The following SIPA1L2 variants were observed in gnomAD, a reference collection of about 807,000 sequenced individuals.
SIPA1L2 encodes the protein signal induced proliferation associated 1 like 2.
In SIPA1L2, 56 loss-of-function variants were observed where a neutral mutation model predicts 163.9. The ratio of observed to expected loss-of-function variants is 0.34; its 90% CI spans 0.28 to 0.43. SIPA1L2 has a LOEUF of 0.43. Ranked by LOEUF, SIPA1L2 falls within the 20% of genes least tolerant of loss-of-function variation. SIPA1L2 has a pLI of 1.00. For synonymous variants in SIPA1L2, 877 were observed against 865.7 expected, an observed-to-expected ratio of 1.01 and a Z score of -0.23; for missense variants, 1,974 against 2,193.5, an observed-to-expected ratio of 0.90 and a Z score of 2.00.
chr1:232,493,811 G>A, intron 3 of SIPA1L2, 151 bp from the exon 4 acceptor site: 1 of 1,031,068 alleles, frequency 9.7e-7, no homozygotes, highest in Admixed American at 2.8e-5. Context: ...CAAGTCTTCT[G>A]GTTTCCAGTT....
Position 232,402,412 on chromosome 1 carries a change from G to A in SIPA1L2, c.5002C>T (p.Leu1668Phe). 3 of 1,613,628 alleles carry A rather than the reference G, an allele frequency of 1.9e-6. No homozygotes were observed. Among genetic ancestry groups the A allele is most frequent in the Non-Finnish European group, 2.5e-6 (3 of 1,179,568 alleles). ...VNQLELILRQLQTDLRKEKQD... is the reference protein window; with the variant it reads ...VNQLELILRQFQTDLRKEKQD... Reference sequence around the variant, plus strand: ...ATTACCTTCCGAAGGTCGGTCTGGAGTTGTCGAAGAATTAATTCCAGCTGA... The same window carrying A: ...ATTACCTTCCGAAGGTCGGTCTGGAATTGTCGAAGAATTAATTCCAGCTGA... Residue 1668 changes from leucine to phenylalanine, a missense_variant, in exon 22 of 23, where the codon CTC (leucine) becomes TTC (phenylalanine). Physicochemically the swap from Leu to Phe is conservative, Grantham distance 22. Transcript: ENST00000674635.
intron 3 of SIPA1L2, among the ~76,000 whole-genome samples, chr1:232,509,957 C>T (rs545105766): frequency 6.6e-6 from 1 of 152,316 alleles, no homozygotes; most frequent in East Asian, 1.9e-4. Context: ...ACAGCACCTT[C>T]CACAGCACAG....
intron 3 of SIPA1L2, among the ~76,000 whole-genome samples, chr1:232,495,289 C>A (rs1481925818): frequency 6.6e-6 from 1 of 152,144 alleles, no homozygotes; most frequent in African/African-American, 2.4e-5. Flanking sequence ...GGGGGCCGGG[C>A]ACGGTGGCTC....
intron 8 of SIPA1L2, among the ~76,000 whole-genome samples, chr1:232,468,412 G>C (rs1483224665): frequency 1.3e-5 from 2 of 152,318 alleles, no homozygotes; most frequent in African/African-American, 2.4e-5. Flanking sequence ...CTGGAGTCAG[G>C]TAACTCCCGG....
intron 18 of SIPA1L2, among the ~76,000 whole-genome samples, chr1:232,417,160 G>A (rs1216701346): frequency 6.6e-6 from 1 of 152,176 alleles, no homozygotes; most frequent in Non-Finnish European, 1.5e-5. Context: ...TTGGGTAGCT[G>A]TGAAATGCTG....
intron 2 of SIPA1L2, among the ~76,000 whole-genome samples, chr1:232,572,752 T>C (rs745471522): frequency 0.49 from 55,234 of 113,184 alleles, 13,074 homozygotes; most frequent in African/African-American, 0.67. Context: ...TATATATATA[T>C]ATATATATAT....
At chr1:232,548,491 A>T (rs938597671) in intron 2 of SIPA1L2, among the ~76,000 whole-genome samples, 1 of 152,240 alleles carries the variant, frequency 6.6e-6, no homozygotes, top group African/African-American at 2.4e-5. Context: ...TGGAAGACAA[A>T]ATATTTGTTT....
Position 232,439,490 on chromosome 1 carries a change from C to G in SIPA1L2, c.3649G>C (p.Asp1217His). 1.2e-6 allele frequency: 2 copies of G among 1,610,526 alleles called. No individual in the cohort carries two copies. Among genetic ancestry groups the G allele is most frequent in the Non-Finnish European group, 1.7e-6 (2 of 1,177,438 alleles). Residue 1217 changes from aspartate (D) to histidine (H), a missense_variant, in exon 15 of 23, where the codon GAT (aspartate) becomes CAT (histidine). Asp to His is a moderately conservative substitution (Grantham distance 81). Coordinates refer to ENST00000674635, the MANE Select transcript of SIPA1L2 (RefSeq NM_020808.5). ...DSPNKLSHIGDKSCSSHSSSN... is the reference protein window; with the variant it reads ...DSPNKLSHIGHKSCSSHSSSN... ...CTGGAGTGACTGGAGCAACTTTTATCCCCAATCTTCAGAAGAAAGAGGAAC... is the reference window on the plus strand; with the variant it reads ...CTGGAGTGACTGGAGCAACTTTTATGCCCAATCTTCAGAAGAAAGAGGAAC...
chr1:232,433,136 C>T (rs1662349080), intron 15 of SIPA1L2, among the ~76,000 whole-genome samples: 1 of 152,134 alleles, frequency 6.6e-6, no homozygotes, highest in Non-Finnish European at 1.5e-5. Context: ...TAAGAACTCC[C>T]CAATGGCAGC....
chr1:232,537,228 C>T (rs1473759137), intron 2 of SIPA1L2, among the ~76,000 whole-genome samples: 2 of 151,948 alleles, frequency 1.3e-5, no homozygotes, highest in African/African-American at 4.8e-5. Flanking sequence ...CAACGTGAGA[C>T]CCTGTCTCAA....
At chr1:232,420,712 G>A (rs1661526302) in intron 18 of SIPA1L2, among the ~76,000 whole-genome samples, 1 of 152,148 alleles carries the variant, frequency 6.6e-6, no homozygotes, top group Non-Finnish European at 1.5e-5. Flanking sequence ...GTGGATGCCT[G>A]TAGTCCCAGC....
intron 8 of SIPA1L2, among the ~76,000 whole-genome samples, chr1:232,467,981 C>T (rs1572943675): frequency 6.6e-6 from 1 of 152,126 alleles, no homozygotes; most frequent in African/African-American, 2.4e-5. Context: ...ACAATGTATG[C>T]CATATTCTTG....
chr1:232,571,120 G>A (rs1357997947), intron 2 of SIPA1L2, among the ~76,000 whole-genome samples: 1 of 152,022 alleles, frequency 6.6e-6, no homozygotes, highest in Non-Finnish European at 1.5e-5. Flanking sequence ...CTAATATCCA[G>A]AATAGAGATT....
chr1:232,581,552 C>G (rs961272696), intron 1 of SIPA1L2, among the ~76,000 whole-genome samples: 66 of 152,292 alleles, frequency 4.3e-4, no homozygotes, highest in Middle Eastern at 3.4e-3. Context: ...GTTACTTGAG[C>G]TATGCCTTTC....
chr1:232,576,491 C>G (rs1660083641), intron 1 of SIPA1L2, among the ~76,000 whole-genome samples: 1 of 152,212 alleles, frequency 6.6e-6, no homozygotes, highest in Non-Finnish European at 1.5e-5. Flanking sequence ...CCCCATTTCT[C>G]TCTCTCTCCT....
Position 232,493,611 on chromosome 1 carries a change from G to C in SIPA1L2, c.1533C>G (p.Val511=), listed in dbSNP as rs566897326. 3 of 1,614,090 alleles carry C rather than the reference G, an allele frequency of 1.9e-6. No individual in the cohort carries two copies. In the African/African-American group the frequency reaches 4.0e-5, roughly 22 times the overall value. ...CTTCCACCTTCTCTCTCCGGATGCT[G>C]ACTGCTACTGGACCAAGGTTTTCAT... ...GIDENLGPVA[V]SIRREKVEDA... The change falls in exon 4 of 23, where the codon GTC becomes GTG. Residue 511 remains valine, a synonymous_variant. Coordinates refer to ENST00000674635, the MANE Select transcript of SIPA1L2 (RefSeq NM_020808.5).
chr1:232,535,848 T>G (rs1380242502), intron 2 of SIPA1L2, among the ~76,000 whole-genome samples: 1 of 152,228 alleles, frequency 6.6e-6, no homozygotes, highest in African/African-American at 2.4e-5. Flanking sequence ...TTAGGCCTAC[T>G]GATTTTTTAC....
At chr1:232,517,886 GT>G (rs1053844749) in intron 2 of SIPA1L2, among the ~76,000 whole-genome samples, 1 of 150,836 alleles carries the variant, frequency 6.6e-6, no homozygotes, top group African/African-American at 2.4e-5. Context: ...ACAAAAACCT[GT>G]TTTTTTTTAA....
At chr1:232,459,203 A>T (rs1664094271) in intron 10 of SIPA1L2, among the ~76,000 whole-genome samples, 1 of 152,234 alleles carries the variant, frequency 6.6e-6, no homozygotes, top group Non-Finnish European at 1.5e-5. Flanking sequence ...GGCAGCCACT[A>T]GCAACACGTG....
Sources: allele counts gnomAD v4.1 joint callset (sites outside exome capture counted in the v4.1 genomes callset), GRCh38; gene constraint gnomAD v4.1.1; transcripts MANE v1.5; gene names NCBI Gene and HGNC (gene_info 2026-07-23, HGNC 2026-07-21).